ADAMTS12: variants seen among roughly 807,000 people sequenced by gnomAD.
ADAMTS12 encodes A disintegrin and metalloproteinase with thrombospondin motifs 12.
ADAMTS12 carries 118 observed loss-of-function variants against 167.8 expected under a neutral mutation model. That is an observed-to-expected ratio of 0.70 (90% confidence interval 0.61 to 0.82). The LOEUF (loss-of-function observed/expected upper bound fraction) is 0.82. Ranked by LOEUF, ADAMTS12 falls within the 40% of genes least tolerant of loss-of-function variation. The pLI, the probability that ADAMTS12 is intolerant of heterozygous loss-of-function variation, is 0.00. For synonymous variants in ADAMTS12, 704 were observed against 716.9 expected, an observed-to-expected ratio of 0.98 and a Z score of 0.29; for missense variants, 1,916 against 1,998.8, an observed-to-expected ratio of 0.96 and a Z score of 0.79.
chr5:33,527,513 T>C (rs936695337), intron 23 of ADAMTS12, 147 bp from the exon 24 acceptor site: 4 of 764,826 alleles, frequency 5.2e-6, no homozygotes, highest in South Asian at 3.8e-5. Context: ...ACTGAATGTT[T>C]ATTATGTATC....
At chr5:33,546,695 A>C (rs1039877980) in intron 21 of ADAMTS12, among the ~76,000 whole-genome samples, 3 of 152,244 alleles carry the variant, frequency 2.0e-5, no homozygotes, top group Non-Finnish European at 1.5e-5. Context: ...ACTCACAACA[A>C]AATAAATTCA....
intron 3 of ADAMTS12, among the ~76,000 whole-genome samples, chr5:33,704,315 G>C (rs1743109028): frequency 1.3e-5 from 2 of 152,172 alleles, no homozygotes; most frequent in Non-Finnish European, 2.9e-5. Flanking sequence ...ACATGGGAAA[G>C]CAGATATCTC....
chr5:33,764,119 T>C (rs1745450007), intron 2 of ADAMTS12, among the ~76,000 whole-genome samples: 1 of 152,196 alleles, frequency 6.6e-6, no homozygotes, highest in Non-Finnish European at 1.5e-5. Flanking sequence ...TTTCAGCTGA[T>C]ACTGGAACTG....
At chr5:33,887,168 G>A (rs1055785792) in intron 1 of ADAMTS12, among the ~76,000 whole-genome samples, 2 of 152,118 alleles carry the variant, frequency 1.3e-5, no homozygotes, top group African/African-American at 4.8e-5. Context: ...TAGGTGTCAA[G>A]AAATAATAAT....
rs558886271 is a variant in ADAMTS12 at position 33,599,644 on chromosome 5, C to A, written c.2528-3584G>T. 3.3e-5 allele frequency among the ~76,000 whole-genome samples: 5 copies of A among 152,308 alleles called. No individual in the cohort carries two copies. In the South Asian group the frequency reaches 1.0e-3, roughly 32 times the overall value. On this transcript the variant is annotated intron_variant, in intron 16 of 23. Coordinates refer to ENST00000504830, the MANE Select transcript of ADAMTS12 (RefSeq NM_030955.4). ...CCTTTCTTAATTTCCCTAAACCCTA[C>A]CCATACCTTTGAAAGTAGGCAAGGT...
At chr5:33,884,788 G>T (rs1298633221) in intron 1 of ADAMTS12, among the ~76,000 whole-genome samples, 1 of 152,136 alleles carries the variant, frequency 6.6e-6, no homozygotes, top group Non-Finnish European at 1.5e-5. Flanking sequence ...TAAGGTCTTG[G>T]CAGAAACTGA....
intron 2 of ADAMTS12, among the ~76,000 whole-genome samples, chr5:33,765,058 A>G (rs1220456853): frequency 6.6e-6 from 1 of 152,250 alleles, no homozygotes; most frequent in Non-Finnish European, 1.5e-5. Context: ...GATTTAAAGT[A>G]TATACGTGAA....
At chr5:33,740,252 A>AT (rs1354084223) in intron 3 of ADAMTS12, among the ~76,000 whole-genome samples, 1 of 152,190 alleles carries the variant, frequency 6.6e-6, no homozygotes, top group Non-Finnish European at 1.5e-5. Flanking sequence ...ATAAATAATC[A>AT]TTGCTTTTCA....
intron 22 of ADAMTS12, among the ~76,000 whole-genome samples, chr5:33,536,420 A>G (rs1579632730): frequency 6.6e-6 from 1 of 152,216 alleles, no homozygotes; most frequent in Non-Finnish European, 1.5e-5. Flanking sequence ...GTAATTTTAC[A>G]GGTTCCAAAA....
chr5:33,862,629 T>A (rs1451796380), intron 2 of ADAMTS12, among the ~76,000 whole-genome samples: 1 of 152,170 alleles, frequency 6.6e-6, no homozygotes, highest in African/African-American at 2.4e-5. Flanking sequence ...GAGGAGCTGG[T>A]AGCACATTTT....
chr5:33,807,062 C>T (rs1196191134), intron 2 of ADAMTS12, among the ~76,000 whole-genome samples: 3 of 152,188 alleles, frequency 2.0e-5, no homozygotes, highest in Admixed American at 1.3e-4. Context: ...ACACAGCGTA[C>T]AAGGCCCTTT....
At chr5:33,852,782 T>A (rs1469647588) in intron 2 of ADAMTS12, among the ~76,000 whole-genome samples, 2 of 152,218 alleles carry the variant, frequency 1.3e-5, no homozygotes, top group Non-Finnish European at 2.9e-5. Context: ...AGGTCATTTG[T>A]ATGTGTTTGT....
chr5:33,860,370 C>G (rs1404111380), intron 2 of ADAMTS12, among the ~76,000 whole-genome samples: 1 of 151,826 alleles, frequency 6.6e-6, no homozygotes, highest in East Asian at 1.9e-4. Flanking sequence ...GAAGCATACA[C>G]AAGTATCAAT....
intron 2 of ADAMTS12, among the ~76,000 whole-genome samples, chr5:33,776,222 A>G (rs1745904945): frequency 6.6e-6 from 1 of 152,212 alleles, no homozygotes; most frequent in Admixed American, 6.5e-5. Context: ...GACCAAATGG[A>G]CCTAACTGAT....
intron 7 of ADAMTS12, among the ~76,000 whole-genome samples, chr5:33,651,087 C>T (rs1399158646): frequency 6.6e-6 from 1 of 152,162 alleles, no homozygotes; most frequent in Non-Finnish European, 1.5e-5. Context: ...GTCAGAGAAT[C>T]AATGTACAAA....
Position 33,576,301 on chromosome 5 carries a change from T to A in ADAMTS12, c.3725A>T (p.Glu1242Val). 2 of 1,614,172 alleles carry A rather than the reference T, an allele frequency of 1.2e-6. No individual in the cohort carries two copies. Among genetic ancestry groups the A allele is most frequent in the Non-Finnish European group, 1.7e-6 (2 of 1,180,026 alleles). The change falls in exon 19 of 24, where the codon GAA becomes GTA. Residue 1242 changes from glutamate to valine, a missense_variant. Coordinates refer to ENST00000504830, the MANE Select transcript of ADAMTS12 (RefSeq NM_030955.4). The stretch of plus-strand genomic sequence containing the variant: ...AGGGAGCAGAGTGTTGGCTGGCTTT[T>A]CAGTAACCATCCCCTCAACTCTGGG... ...GTPRVEGMVTEKPANTLLPLG... is the reference protein window; with the variant it reads ...GTPRVEGMVTVKPANTLLPLG...
chr5:33,668,183 TG>T (rs1404920298), intron 5 of ADAMTS12, among the ~76,000 whole-genome samples: 2 of 152,216 alleles, frequency 1.3e-5, no homozygotes, highest in African/African-American at 4.8e-5. Flanking sequence ...ACGTTAAGTG[TG>T]CTCAGAACAC....
chr5:33,671,747 C>G (rs1036980993), intron 5 of ADAMTS12, among the ~76,000 whole-genome samples: 5 of 151,672 alleles, frequency 3.3e-5, no homozygotes, highest in African/African-American at 1.2e-4. Flanking sequence ...CACCCACATA[C>G]TCACAAACAC....
chr5:33,788,311 T>G (rs1746406506), intron 2 of ADAMTS12, among the ~76,000 whole-genome samples: 2 of 151,872 alleles, frequency 1.3e-5, no homozygotes. Context: ...GTCCAATAAA[T>G]ACGCAGAAGT....
Sources: allele counts gnomAD v4.1 joint callset (sites outside exome capture counted in the v4.1 genomes callset), GRCh38; gene constraint gnomAD v4.1.1; transcripts MANE v1.5; gene names NCBI Gene and HGNC (gene_info 2026-07-23, HGNC 2026-07-21).